BCLAF1: variants seen among roughly 807,000 people sequenced by gnomAD.
BCLAF1 encodes BCL2 associated transcription factor 1.
BCLAF1 carries 10 observed loss-of-function variants against 99.5 expected under a neutral mutation model. The observed-to-expected ratio is 0.10, with a 90% CI of 0.06 to 0.17. The LOEUF is 0.17. Ranked by LOEUF, BCLAF1 falls within the 10% of genes least tolerant of loss-of-function variation. The pLI is 1.00. For synonymous variants in BCLAF1, 255 were observed against 370.9 expected, an observed-to-expected ratio of 0.69 and a Z score of 3.59; for missense variants, 636 against 1,105.8, an observed-to-expected ratio of 0.58 and a Z score of 6.02.
chr6:136,273,263 G>T, intron 6 of BCLAF1, 76 bp from the exon 7 acceptor site: 1 of 1,231,522 alleles, frequency 8.1e-7, no homozygotes, highest in Non-Finnish European at 1.2e-6. Flanking sequence ...AGAAGGGCAT[G>T]TAGCAGGTGA....
rs1780801156 is a variant in BCLAF1 at position 136,260,260 on chromosome 6, TTTC to T, written c.*847_*849del. 1 of 152,054 alleles carries T rather than the reference TTTC, an allele frequency of 6.6e-6. No individual in the cohort carries two copies. The highest frequency in any genetic ancestry group is 1.5e-5 in the Non-Finnish European group (1 of 67,912). 9.4% of individuals were successfully genotyped at this position (152,054 alleles called of 1,614,324 possible). ...ACATACCAACCCCAGGATTACAGTT[TTTC>T]TTCTGTTTAAAACTAGGATGTTCAG... On this transcript the variant is annotated 3_prime_UTR_variant, in exon 13 of 13. Coordinates refer to ENST00000531224, the MANE Select transcript of BCLAF1 (RefSeq NM_014739.3).
chr6:136,263,805 C>T (rs1329839014), intron 11 of BCLAF1, among the ~76,000 whole-genome samples: 2 of 152,166 alleles, frequency 1.3e-5, no homozygotes, highest in African/African-American at 4.8e-5. Context: ...TTCACACTCA[C>T]CCCTCCATAG....
chr6:136,273,469 TTCCTC>T, intron 6 of BCLAF1: 1 of 278,656 alleles, frequency 3.6e-6, no homozygotes, highest in Non-Finnish European at 6.8e-6. Flanking sequence ...AATACACTAC[TTCCTC>T]AGAACAAAAA....
intron 4 of BCLAF1, 132 bp downstream of exon 4, chr6:136,277,733 T>C (rs1412772087): frequency 1.8e-6 from 2 of 1,141,802 alleles, no homozygotes; most frequent in Non-Finnish European, 2.3e-6. Context: ...TTTGGAATTA[T>C]CTTAAAATGA....
In BCLAF1 at chr6:136,272,019, T is replaced by C. The variant is rs1782610546; in HGVS notation, c.2019A>G (p.Arg673=). ...CCTTTTGATTTTCTTCTTTAAAAAC[T>C]CTCTCTTCCCCTGCTAAACGGGTAT... ...RKHTRLAGEE[R]VFKEENQKGD... is the part of the protein sequence containing the mutation. Residue 673 remains arginine (R), a synonymous_variant, in exon 8 of 13, where the codon AGA becomes AGG. Transcript: ENST00000531224. 1 of 1,605,418 alleles carries C rather than the reference T, an allele frequency of 6.2e-7. No homozygotes were observed. Among genetic ancestry groups the C allele is most frequent in the South Asian group, 1.1e-5 (1 of 90,068 alleles).
At chr6:136,288,536 C>A (rs188892469) in intron 1 of BCLAF1, among the ~76,000 whole-genome samples, 1 of 152,342 alleles carries the variant, frequency 6.6e-6, no homozygotes, top group African/African-American at 2.4e-5. Context: ...TTTTGTTTTG[C>A]TTTGTAACAC....
chr6:136,275,125 A>G (rs1191465841), intron 6 of BCLAF1, among the ~76,000 whole-genome samples: 4 of 152,130 alleles, frequency 2.6e-5, no homozygotes, highest in Non-Finnish European at 4.4e-5. Flanking sequence ...GAAATATTCA[A>G]TAACAATACT....
intron 11 of BCLAF1, among the ~76,000 whole-genome samples, chr6:136,262,248 T>C (rs1781107478): frequency 6.6e-6 from 1 of 152,160 alleles, no homozygotes; most frequent in South Asian, 2.1e-4. Flanking sequence ...ATTATATTCA[T>C]ACAAAAGGCC....
intron 3 of BCLAF1, among the ~76,000 whole-genome samples, chr6:136,278,994 AACACACACAC>A (rs71006795): frequency 1.2e-4 from 17 of 145,406 alleles, no homozygotes; most frequent in South Asian, 2.2e-4. Flanking sequence ...GAAGGCACAA[AACACACACAC>A]ACACACACAC....
chr6:136,271,400 T>C (rs1240191249), intron 8 of BCLAF1, among the ~76,000 whole-genome samples: 3 of 151,800 alleles, frequency 2.0e-5, no homozygotes, highest in Non-Finnish European at 4.4e-5. Context: ...GGAGACCCCT[T>C]AACCACTGAA....
intron 3 of BCLAF1, 130 bp downstream of exon 3, chr6:136,279,633 C>G: frequency 1.0e-6 from 1 of 984,338 alleles, no homozygotes; most frequent in Non-Finnish European, 1.3e-6. Context: ...ATAAGGATAA[C>G]AATAGATCCA....
At chr6:136,287,142 GAA>G (rs982890127) in intron 1 of BCLAF1, among the ~76,000 whole-genome samples, 1 of 138,054 alleles carries the variant, frequency 7.2e-6, no homozygotes. Flanking sequence ...TGTGTCTCAA[GAA>G]AAAAAAAAAA....
intron 11 of BCLAF1, among the ~76,000 whole-genome samples, chr6:136,266,683 A>T (rs927548231): frequency 6.6e-6 from 1 of 152,134 alleles, no homozygotes; most frequent in African/African-American, 2.4e-5. Flanking sequence ...AATGGAAGGT[A>T]CATCTTAATG....
intron 1 of BCLAF1, among the ~76,000 whole-genome samples, chr6:136,289,399 A>C (rs1203923197): frequency 1.3e-5 from 2 of 152,134 alleles, no homozygotes; most frequent in East Asian, 3.9e-4. Context: ...GGGCTGAAGA[A>C]ATGGGGGAAG....
chr6:136,265,043 T>C (rs1781534428), intron 11 of BCLAF1, among the ~76,000 whole-genome samples: 1 of 152,198 alleles, frequency 6.6e-6, no homozygotes, highest in African/African-American at 2.4e-5. Flanking sequence ...AAATTTAATA[T>C]TTGTAAATTG....
rs1479553868 is a variant in BCLAF1, at chr6:136,278,001, G to A, written c.880C>T (p.His294Tyr). ...YSPSQNSPIH[H>Y]IPSRRSPAKT... ...GCAGGACTTCTTCGTGAAGGGATGT[G>A]ATGAATTGGACTATTCTGAGAAGGA... The change falls in exon 4 of 13, where the codon CAC becomes TAC. Residue 294 changes from histidine to tyrosine, a missense_variant. Physicochemically the swap from His to Tyr is moderately conservative, Grantham distance 83. Transcript: ENST00000531224. The A allele has an allele frequency of 1.2e-6, 2 of 1,604,726 alleles. No homozygotes were observed. The highest frequency in any genetic ancestry group is 2.7e-5 in the African/African-American group (2 of 74,434).
chr6:136,264,710 C>T (rs1390924830), intron 11 of BCLAF1, among the ~76,000 whole-genome samples: 1 of 152,058 alleles, frequency 6.6e-6, no homozygotes, highest in African/African-American at 2.4e-5. Flanking sequence ...CCAAAGTTGC[C>T]ATTTCAATGG....
At chr6:136,275,179 T>C (rs189971386) in intron 6 of BCLAF1, among the ~76,000 whole-genome samples, 2 of 152,216 alleles carry the variant, frequency 1.3e-5, no homozygotes, top group Admixed American at 6.6e-5. Flanking sequence ...TCACAAGCCA[T>C]AGGCATGCAA....
At chr6:136,280,235 AAGAT>A (rs1784190373) in intron 2 of BCLAF1, among the ~76,000 whole-genome samples, 2 of 152,330 alleles carry the variant, frequency 1.3e-5, no homozygotes, top group Admixed American at 1.3e-4. Flanking sequence ...TCCTGTAAGA[AAGAT>A]AAATAATAAA....
Sources: gnomAD v4.1 joint callset for allele counts (sites outside exome capture counted in the v4.1 genomes callset) on GRCh38, gnomAD v4.1.1 for gene constraint, MANE v1.5 for transcripts, NCBI Gene and HGNC (gene_info 2026-07-23, HGNC 2026-07-21) for gene names.